Variants in KLF8 observed in about 807,000 individuals in gnomAD.
The protein encoded by KLF8 is KLF transcription factor 8, also known as Krueppel-like factor 8.
Under a neutral mutation model 18.2 loss-of-function variants are expected in KLF8, and 10 were observed. The observed-to-expected ratio is 0.55, with a 90% confidence interval of 0.34 to 0.93. KLF8 has a LOEUF of 0.93. KLF8 is among the 40% of genes least tolerant of loss of function. The pLI, the probability that KLF8 is intolerant of heterozygous loss-of-function variation, is 0.02. For missense variants in KLF8, 264 were observed against 277.9 expected, an observed-to-expected ratio of 0.95 and a Z score of 0.36; for synonymous variants, 109 against 97.3, an observed-to-expected ratio of 1.12 and a Z score of -0.71.
the KLF8 span, among the ~76,000 whole-genome samples, chrX:56,062,091 A>G: frequency 9.5e-6 from 1 of 105,739 alleles, no homozygotes; most frequent in Non-Finnish European, 1.9e-5. Context: ...AATACAGCAC[A>G]GTGATGGGTC....
the KLF8 span, among the ~76,000 whole-genome samples, chrX:56,058,289 T>TACATACATATATATACATAC: frequency 4.0e-5 from 1 of 25,234 alleles, no homozygotes; most frequent in African/African-American, 7.9e-5. Context: ...CATATATATA[T>TACATACATATATATACATAC]ATATATATAT....
chrX:55,995,773 A>T, the KLF8 span, among the ~76,000 whole-genome samples: 1 of 111,385 alleles, frequency 9.0e-6, no homozygotes, highest in Non-Finnish European at 1.9e-5. Context: ...GTTCCCTGTG[A>T]AGGTGACTTC....
At chrX:56,034,716 A>T in the KLF8 span, among the ~76,000 whole-genome samples, 1 of 74,904 alleles carries the variant, frequency 1.3e-5, no homozygotes, top group South Asian at 4.7e-4. Flanking sequence ...TCATCTTACA[A>T]TCTTACAATG....
chrX:55,925,416 GCACA>G, the KLF8 span, among the ~76,000 whole-genome samples: 7 of 108,982 alleles, frequency 6.4e-5, no homozygotes, highest in African/African-American at 2.3e-4. Context: ...ACACACACAC[GCACA>G]CACACACTAC....
At chrX:55,911,049 A>G in the KLF8 span, among the ~76,000 whole-genome samples, 2 of 112,210 alleles carry the variant, frequency 1.8e-5, no homozygotes, top group Admixed American at 9.5e-5. Flanking sequence ...TAATATAAAC[A>G]GTTAATTAAT....
chrX:56,282,865 C>T (rs1056891773), intron 5 of KLF8, among the ~76,000 whole-genome samples: 4 of 111,848 alleles, frequency 3.6e-5, no homozygotes, highest in Admixed American at 1.9e-4. Flanking sequence ...TATTGTTGCT[C>T]ATATAGCTTA....
the KLF8 span, among the ~76,000 whole-genome samples, chrX:56,050,827 G>T: frequency 9.1e-6 from 1 of 109,692 alleles, no homozygotes; most frequent in East Asian, 2.9e-4. Flanking sequence ...TATCCTTGTT[G>T]ACTTTCTGTC....
the KLF8 span, among the ~76,000 whole-genome samples, chrX:56,135,936 A>G: frequency 9.0e-6 from 1 of 111,619 alleles, no homozygotes; most frequent in African/African-American, 3.3e-5. Flanking sequence ...ACAACCTAAC[A>G]TCACACATAG....
At chrX:56,029,614 T>C in the KLF8 span, among the ~76,000 whole-genome samples, 2 of 112,258 alleles carry the variant, frequency 1.8e-5, no homozygotes, top group African/African-American at 6.5e-5. Context: ...TCCCCTTCAG[T>C]CTAGAAGCCC....
At chrX:55,942,385 G>A in the KLF8 span, among the ~76,000 whole-genome samples, 1 of 109,885 alleles carries the variant, frequency 9.1e-6, no homozygotes, top group Non-Finnish European at 1.9e-5. Context: ...GGGGTGGTGG[G>A]GTGGAATAGC....
the KLF8 span, among the ~76,000 whole-genome samples, chrX:56,032,880 G>C: frequency 1.8e-5 from 2 of 111,772 alleles, no homozygotes; most frequent in East Asian, 5.6e-4. Flanking sequence ...ATTATGTTAA[G>C]TAAATGTTCA....
intron 3 of KLF8, chrX:56,267,137 A>T: frequency 1.3e-6 from 1 of 753,494 alleles, no homozygotes; most frequent in Non-Finnish European, 1.6e-6. Context: ...CCATAATATC[A>T]TCAGTCCATC....
chrX:56,190,119 A>G, the KLF8 span, among the ~76,000 whole-genome samples: 1 of 111,538 alleles, frequency 9.0e-6, no homozygotes, highest in Non-Finnish European at 1.9e-5. Context: ...ATATACAATA[A>G]AAATAAAGGG....
At chrX:56,045,495 G>A in the KLF8 span, among the ~76,000 whole-genome samples, 1 of 111,773 alleles carries the variant, frequency 8.9e-6, no homozygotes, top group Non-Finnish European at 1.9e-5. Flanking sequence ...TAGCAGTATG[G>A]TCATATTCAC....
the KLF8 span, among the ~76,000 whole-genome samples, chrX:56,051,424 G>T: frequency 9.0e-6 from 1 of 110,793 alleles, no homozygotes; most frequent in East Asian, 2.8e-4. Flanking sequence ...TCCTTTCCAT[G>T]TTTAGTGCTT....
At chrX:56,007,750 T>C in the KLF8 span, among the ~76,000 whole-genome samples, 12,946 of 110,998 alleles carry the variant, frequency 0.12, 1,910 homozygotes, top group African/African-American at 0.41. Flanking sequence ...TAAAGTACAA[T>C]GCATTAGACT....
chrX:55,994,843 G>T, the KLF8 span, among the ~76,000 whole-genome samples: 1 of 111,903 alleles, frequency 8.9e-6, no homozygotes, highest in African/African-American at 3.2e-5. Flanking sequence ...TGAGTGTGTG[G>T]TTAATTTTAG....
chrX:56,092,773 A>G, the KLF8 span, among the ~76,000 whole-genome samples: 1 of 109,825 alleles, frequency 9.1e-6, no homozygotes, highest in Admixed American at 9.8e-5. Flanking sequence ...ATTAATATTC[A>G]AAGGGCTCTA....
chrX:56,089,664 T>C, the KLF8 span, among the ~76,000 whole-genome samples: 1 of 112,335 alleles, frequency 8.9e-6, no homozygotes, highest in Non-Finnish European at 1.9e-5. Flanking sequence ...AACCACAGTT[T>C]ACTAGAGTGG....
Sources: gnomAD v4.1 joint callset for allele counts (sites outside exome capture counted in the v4.1 genomes callset) on GRCh38, gnomAD v4.1.1 for gene constraint, MANE v1.5 for transcripts, NCBI Gene and HGNC (gene_info 2026-07-23, HGNC 2026-07-21) for gene names.